CNTNAP4: variants seen among roughly 807,000 people sequenced by gnomAD.
The protein encoded by CNTNAP4 is contactin-associated protein-like 4.
A neutral mutation model predicts 148.4 loss-of-function variants in CNTNAP4; 98 were observed. The ratio of observed to expected loss-of-function variants is 0.66; its 90% CI spans 0.56 to 0.78. The LOEUF is 0.78. Among genes scored for constraint, CNTNAP4 ranks in the 30% least tolerant of loss-of-function variants. CNTNAP4 has a pLI of 0.00. For synonymous variants in CNTNAP4, 730 were observed against 565.1 expected, an observed-to-expected ratio of 1.29 and a Z score of -4.14; for missense variants, 1,935 against 1,565.6, an observed-to-expected ratio of 1.24 and a Z score of -3.98.
intron 3 of CNTNAP4, among the ~76,000 whole-genome samples, chr16:76,417,792 G>T (rs8046954): frequency 1.3e-5 from 2 of 151,236 alleles, no homozygotes; most frequent in African/African-American, 2.4e-5. Context: ...GAATGCTCTC[G>T]ATGCATTCCC....
chr16:76,528,557 G>A (rs532690147), intron 17 of CNTNAP4, among the ~76,000 whole-genome samples: 89 of 152,238 alleles, frequency 5.8e-4, no homozygotes, highest in South Asian at 1.2e-3. Context: ...GAGCCACCAC[G>A]CCTCACCTGC....
At chr16:76,340,835 C>T (rs1964411849) in intron 2 of CNTNAP4, among the ~76,000 whole-genome samples, 1 of 152,146 alleles carries the variant, frequency 6.6e-6, no homozygotes, top group African/African-American at 2.4e-5. Flanking sequence ...AAAATTTGAT[C>T]AAGGAGATAT....
At chr16:76,408,285 T>C (rs997543768) in intron 3 of CNTNAP4, among the ~76,000 whole-genome samples, 3 of 152,038 alleles carry the variant, frequency 2.0e-5, no homozygotes, top group African/African-American at 7.2e-5. Context: ...AGAAATGTTA[T>C]AAAGGAATAT....
intron 3 of CNTNAP4, among the ~76,000 whole-genome samples, chr16:76,356,509 A>G (rs1249429660): frequency 6.6e-6 from 1 of 152,224 alleles, no homozygotes; most frequent in Non-Finnish European, 1.5e-5. Context: ...TGGATATGGC[A>G]TATAAACACC....
chr16:76,410,920 A>G lies in CNTNAP4; in HGVS notation c.391-16532A>G, dbSNP rs187141596. Among the ~76,000 whole-genome samples, 9 of 151,718 alleles carry G rather than the reference A, an allele frequency of 5.9e-5. No homozygotes were observed. In the South Asian group the frequency reaches 1.7e-3, roughly 28 times the overall value. On this transcript the variant is annotated intron_variant, in intron 3 of 23. Transcript: ENST00000611870. ...GAGTTTCTCCCAGTGTCTAGCTTCT[A>G]TGAAAGTATAGGTTAAGATCTACAT...
chr16:76,317,277 CCA>C (rs374037432), intron 2 of CNTNAP4, among the ~76,000 whole-genome samples: 1,457 of 85,014 alleles, frequency 0.017, 28 homozygotes, highest in African/African-American at 0.076. Flanking sequence ...AAAAAAAAAA[CCA>C]AAAAAAAAAA....
chr16:76,278,691 G>A (rs1249416368), intron 1 of CNTNAP4, among the ~76,000 whole-genome samples: 1 of 152,162 alleles, frequency 6.6e-6, no homozygotes, highest in Non-Finnish European at 1.5e-5. Context: ...AAGCTCATTT[G>A]CTTTCCAAGA....
chr16:76,540,830 C>A (rs974283154), intron 21 of CNTNAP4, 40 bp downstream of exon 21: 1 of 1,358,082 alleles, frequency 7.4e-7, no homozygotes, highest in South Asian at 1.3e-5. Context: ...CCATGCTAAT[C>A]ATGATACATA....
rs2085345205 is a variant in CNTNAP4, at chr16:76,559,760, C to A, written c.*1077C>A. Among the ~76,000 whole-genome samples, 1 of 151,996 alleles carries A rather than the reference C, an allele frequency of 6.6e-6. No homozygotes were observed. Among genetic ancestry groups the A allele is most frequent in the Admixed American group, 6.6e-5 (1 of 15,258 alleles). ...AAATTGAAGTATAGAGCCCCATTTC[C>A]CATTCTGAAACATATACCCCTTTAG... On this transcript the variant is annotated 3_prime_UTR_variant, in exon 24 of 24. Coordinates refer to ENST00000611870, the MANE Select transcript of CNTNAP4 (RefSeq NM_033401.5).
chr16:76,372,162 C>T (rs1287588965), intron 3 of CNTNAP4, among the ~76,000 whole-genome samples: 6 of 118,754 alleles, frequency 5.1e-5, no homozygotes, highest in Non-Finnish European at 8.4e-5. Flanking sequence ...TTTTTTGAGA[C>T]GGAGTCCCAC....
intron 4 of CNTNAP4, among the ~76,000 whole-genome samples, chr16:76,441,174 G>A (rs1322366138): frequency 6.6e-6 from 1 of 152,046 alleles, no homozygotes; most frequent in Non-Finnish European, 1.5e-5. Context: ...GCATCTCAGG[G>A]TTGTGTGTCT....
chr16:76,379,408 A>G (rs1236491376), intron 3 of CNTNAP4, among the ~76,000 whole-genome samples: 3 of 152,026 alleles, frequency 2.0e-5, no homozygotes, highest in African/African-American at 7.3e-5. Flanking sequence ...TACAATTGTA[A>G]TTTGTCAAAT....
intron 3 of CNTNAP4, among the ~76,000 whole-genome samples, chr16:76,362,188 C>G (rs1442418589): frequency 6.6e-6 from 1 of 152,030 alleles, no homozygotes; most frequent in Non-Finnish European, 1.5e-5. Context: ...TAGGAATAAA[C>G]TTTACCATGG....
chr16:76,432,810 C>G (rs2145086453), intron 4 of CNTNAP4, among the ~76,000 whole-genome samples: 1 of 152,274 alleles, frequency 6.6e-6, no homozygotes, highest in East Asian at 1.9e-4. Flanking sequence ...CTATGATCAT[C>G]TCTTCCTCAT....
At chr16:76,368,591 A>T (rs934920966) in intron 3 of CNTNAP4, among the ~76,000 whole-genome samples, 1 of 152,120 alleles carries the variant, frequency 6.6e-6, no homozygotes, top group Admixed American at 6.6e-5. Context: ...CAAATACAGC[A>T]TGTTCTCACT....
At chr16:76,397,880 C>G (rs80353127) in intron 3 of CNTNAP4, among the ~76,000 whole-genome samples, 5,366 of 137,394 alleles carry the variant, frequency 0.039, 412 homozygotes, top group African/African-American at 0.14. Flanking sequence ...TGCCTAGGTT[C>G]TCTAACTTTG....
At chr16:76,450,900 A>G (rs1222686503) in intron 7 of CNTNAP4, among the ~76,000 whole-genome samples, 1 of 152,238 alleles carries the variant, frequency 6.6e-6, no homozygotes, top group Admixed American at 6.5e-5. Context: ...ATGGCCTGGC[A>G]GGGGAAGTGC....
chr16:76,552,013 C>T (rs1162274096), intron 21 of CNTNAP4, among the ~76,000 whole-genome samples: 1 of 152,198 alleles, frequency 6.6e-6, no homozygotes, highest in African/African-American at 2.4e-5. Context: ...GTGTAATCAA[C>T]ACAGTTCCAC....
Position 76,521,178 on chromosome 16 carries a change from TC to T in CNTNAP4, c.2405del (p.Ser802TyrfsTer30). ...WNSASFDTEA[S>X]YLHFPTFHGE... ...TTCAGCTTCCTTTGATACCGAGGCT[TC>T]ATATCTTCATTTTCCTACCTTCCAC... On this transcript the variant is annotated frameshift_variant, in exon 16 of 24. Coordinates refer to ENST00000611870, the MANE Select transcript of CNTNAP4 (RefSeq NM_033401.5). LOFTEE classifies it high-confidence loss of function. 5 of 1,610,012 alleles carry T rather than the reference TC, an allele frequency of 3.1e-6. No individual in the cohort carries two copies. The highest frequency in any genetic ancestry group is 4.2e-6 in the Non-Finnish European group (5 of 1,178,754).
Sources: gnomAD v4.1 joint callset for allele counts (sites outside exome capture counted in the v4.1 genomes callset) on GRCh38, gnomAD v4.1.1 for gene constraint, MANE v1.5 for transcripts, NCBI Gene and HGNC (gene_info 2026-07-23, HGNC 2026-07-21) for gene names.